APEX2: variants seen among roughly 807,000 people sequenced by gnomAD.
APEX2 encodes the protein DNA-(apurinic or apyrimidinic site) endonuclease 2.
Under a neutral mutation model 16.7 loss-of-function variants are expected in APEX2, and 4 were observed. The ratio of observed to expected loss-of-function variants is 0.24; its 90% CI spans 0.12 to 0.55. APEX2 has a LOEUF of 0.55. Among genes scored for constraint, APEX2 ranks in the 20% least tolerant of loss-of-function variants. The pLI, the probability that APEX2 is intolerant of heterozygous loss-of-function variation, is 0.94. For synonymous variants in APEX2, 181 were observed against 166.9 expected (o/e 1.08, Z -0.65); for missense variants, 357 against 433.6 (o/e 0.82, Z 1.57).
In APEX2 at chrX:55,008,571, CA is replaced by C. The variant is rs770902009; in HGVS notation, c.*1149del. ...GGCAACAAGAGTGAAATTCAGTCTC[CA>C]AAAAAAAAAAAAGAAAAGAAAAAGA... On this transcript the variant is annotated 3_prime_UTR_variant, in exon 6 of 6. Coordinates refer to ENST00000374987, the MANE Select transcript of APEX2 (RefSeq NM_014481.4). 4.5e-3 allele frequency: 384 copies of C among 85,671 alleles called. 3 individuals are homozygous for C. Among genetic ancestry groups the C allele is most frequent in the African/African-American group, 0.011 (267 of 23,859 alleles). 7.1% of individuals were successfully genotyped at this position (85,671 alleles called of 1,213,427 possible).
chrX:55,007,639 T>A lies in APEX2; in HGVS notation c.*204T>A, dbSNP rs1935525595. 1 of 376,861 alleles carries A rather than the reference T, an allele frequency of 2.7e-6. No homozygotes were observed. Among genetic ancestry groups the A allele is most frequent in the Admixed American group, 5.2e-5 (1 of 19,386 alleles). The allele number at this position is 376,861 out of a possible 1,213,427, so 31.1% of individuals were successfully genotyped here. A position where few individuals can be genotyped will look rare whatever the true frequency, so the allele number is the denominator to read the frequency against. ...TGCCTTAATCCTGTGACCCAGCCCC[T>A]TACACCACTTTCCACCTTCCTGTCC... On this transcript the variant is annotated 3_prime_UTR_variant, in exon 6 of 6. Coordinates refer to ENST00000374987, the MANE Select transcript of APEX2 (RefSeq NM_014481.4).
rs763849554 is a variant in APEX2, at chrX:55,000,612, C to T, written c.157+33C>T. 14 of 1,166,144 alleles carry T rather than the reference C, an allele frequency of 1.2e-5. No homozygotes were observed. The East Asian group carries it at 3.7e-4, about 31-fold the overall frequency. ...CTCTGGATTCCAGGATCCCTACATA[C>T]TTTTTCTTTCCCGCTAACTTTTGTC... is the stretch of plus-strand genomic sequence containing the variant. On this transcript the variant is annotated intron_variant, in intron 1 of 5. Coordinates refer to ENST00000374987, the MANE Select transcript of APEX2 (RefSeq NM_014481.4).
intron 5 of APEX2, 119 bp from the exon 6 acceptor site, chrX:55,006,399 C>A: frequency 3.9e-6 from 2 of 509,634 alleles, no homozygotes; most frequent in South Asian, 1.7e-4. Context: ...GAGCAGTAGT[C>A]CTCTTGGGAC....
intron 2 of APEX2, 21 bp from the exon 3 acceptor site, chrX:55,002,228 CAG>C: frequency 8.6e-7 from 1 of 1,169,047 alleles, no homozygotes; most frequent in Non-Finnish European, 1.1e-6. Context: ...CAGGTCTGCT[CAG>C]AGTGCCCTGT....
chrX:55,008,854 A>C lies in APEX2; in HGVS notation c.*1419A>C, dbSNP rs1488687083. The C allele has an allele frequency of 1.3e-5, 3 of 227,983 alleles. No homozygotes were observed. The highest frequency in any genetic ancestry group is 2.4e-5 in the Non-Finnish European group (3 of 127,314). 18.8% of individuals were successfully genotyped at this position (227,983 alleles called of 1,213,427 possible). On this transcript the variant is annotated 3_prime_UTR_variant, in exon 6 of 6. Coordinates refer to ENST00000374987, the MANE Select transcript of APEX2 (RefSeq NM_014481.4). ...AAACCATTGGAGAAGAGCCATCTCA[A>C]ATAAATCTGCCAAGTATCCTAGCTC...
rs778845228 is a variant in APEX2, at chrX:55,007,281, T to G, written c.1403T>G (p.Leu468Arg). ...SVLAGPLRTP[L>R]CGGHREPCVM... ...CTGGCGGGGCCCTTGCGCACACCCCTCTGTGGGGGCCACAGGGAGCCATGT... is the reference window on the plus strand; with the variant it reads ...CTGGCGGGGCCCTTGCGCACACCCCGCTGTGGGGGCCACAGGGAGCCATGT... Residue 468 changes from leucine (L) to arginine (R), a missense_variant, in exon 6 of 6, where the codon CTC becomes CGC. Transcript: ENST00000374987. 8.3e-7 allele frequency: 1 copy of G among 1,211,902 alleles called. No homozygotes were observed. Among genetic ancestry groups the G allele is most frequent in the East Asian group, 3.0e-5 (1 of 33,848 alleles).
Position 55,007,862 on chromosome X carries a change from A to G in APEX2, c.*427A>G, listed in dbSNP as rs978914874. ...TGGTTTGCCGGCTGGCTGTAGCCCAATGATGTAATTCCCAGAGAAAGGGGA... is the reference window on the plus strand; with the variant it reads ...TGGTTTGCCGGCTGGCTGTAGCCCAGTGATGTAATTCCCAGAGAAAGGGGA... On this transcript the variant is annotated 3_prime_UTR_variant, in exon 6 of 6. Coordinates refer to ENST00000374987, the MANE Select transcript of APEX2 (RefSeq NM_014481.4). 3 of 121,560 alleles carry G rather than the reference A, an allele frequency of 2.5e-5. No individual in the cohort carries two copies. The highest frequency in any genetic ancestry group is 3.8e-3 in the Middle Eastern group (1 of 263). 10.0% of individuals were successfully genotyped at this position (121,560 alleles called of 1,213,427 possible). A position where few individuals can be genotyped will look rare whatever the true frequency, so the allele number is the denominator to read the frequency against.
At chrX:55,001,435 A>G in intron 1 of APEX2, 111 bp from the exon 2 acceptor site, 1 of 496,560 alleles carries the variant, frequency 2.0e-6, no homozygotes. Flanking sequence ...GTCACCCCCA[A>G]CTCTGGCTCT....
chrX:55,001,460 A>G, intron 1 of APEX2, 86 bp from the exon 2 acceptor site: 1 of 745,244 alleles, frequency 1.3e-6, no homozygotes, highest in African/African-American at 2.1e-5. Context: ...TGTGCAAGGA[A>G]TTAGCCTACA....
Position 55,003,927 on chromosome X carries a change from C to T in APEX2, c.639+59C>T, listed in dbSNP as rs1019914671. 4 of 1,118,032 alleles carry T rather than the reference C, an allele frequency of 3.6e-6. No homozygotes were observed. The African/African-American group carries it at 5.4e-5, about 15-fold the overall frequency. The allele number at this position is 1,118,032 out of a possible 1,213,427, so 92.1% of individuals were successfully genotyped here. On this transcript the variant is annotated intron_variant, in intron 5 of 5. Transcript: ENST00000374987. ...TGACTGATTCTGTTTGTCCAGCCAA[C>T]CAACCCTGAGTTTTTGGCCCAGGGA... is the stretch of plus-strand genomic sequence containing the variant.
At chrX:55,005,995 GGAT>G (rs1161342156) in intron 5 of APEX2, among the ~76,000 whole-genome samples, 2 of 108,649 alleles carry the variant, frequency 1.8e-5, no homozygotes, top group African/African-American at 6.7e-5. Context: ...ATGGACTGAT[GGAT>G]GATGGATTGG....
intron 5 of APEX2, among the ~76,000 whole-genome samples, chrX:55,005,166 G>A (rs930957069): frequency 1.8e-5 from 2 of 112,037 alleles, no homozygotes; most frequent in Admixed American, 9.4e-5. Context: ...GAGAATGGTG[G>A]TGGTGGTGTG....
Position 55,000,405 on chromosome X carries a change from G to A in APEX2, c.-18G>A, listed in dbSNP as rs918143644. ...CGCCTAGGTTGGCGCGGGCTGGGAGGTGTTCCAGCCCTTTAAGATGTTGCG... is the reference window on the plus strand; with the variant it reads ...CGCCTAGGTTGGCGCGGGCTGGGAGATGTTCCAGCCCTTTAAGATGTTGCG... On this transcript the variant is annotated 5_prime_UTR_variant, in exon 1 of 6. The change creates a new upstream start codon in the 5' untranslated region. Transcript: ENST00000374987. 11 of 1,150,035 alleles carry A rather than the reference G, an allele frequency of 9.6e-6. No homozygotes were observed. Among genetic ancestry groups the A allele is most frequent in the Non-Finnish European group, 1.2e-5 (10 of 863,962 alleles). The allele number at this position is 1,150,035 out of a possible 1,213,427, so 94.8% of individuals were successfully genotyped here.
intron 3 of APEX2, among the ~76,000 whole-genome samples, chrX:55,002,695 T>C (rs1002177796): frequency 9.0e-6 from 1 of 111,185 alleles, no homozygotes; most frequent in African/African-American, 3.3e-5. Flanking sequence ...AGCAACTTAG[T>C]GCTGAACTCA....
At chrX:55,002,838 G>A in intron 3 of APEX2, 124 bp from the exon 4 acceptor site, 2 of 762,481 alleles carry the variant, frequency 2.6e-6, no homozygotes, top group Non-Finnish European at 3.7e-6. Context: ...CAGATCATTT[G>A]TGTCTCTTTA....
intron 1 of APEX2, among the ~76,000 whole-genome samples, chrX:55,000,922 C>T (rs1411587119): frequency 1.8e-5 from 2 of 109,358 alleles, no homozygotes; most frequent in Admixed American, 1.9e-4. Flanking sequence ...ATCCCTGCCC[C>T]AAGCTCAGAT....
At chrX:55,002,148 G>T in intron 2 of APEX2, 103 bp from the exon 3 acceptor site, 1 of 845,420 alleles carries the variant, frequency 1.2e-6, no homozygotes. Flanking sequence ...CACACTTTAT[G>T]AAGATGACTT....
At chrX:55,000,606 T>G in intron 1 of APEX2, 27 bp downstream of exon 1, 3 of 1,174,420 alleles carry the variant, frequency 2.6e-6, no homozygotes, top group Non-Finnish European at 3.4e-6. Context: ...CCAGGATCCC[T>G]ACATACTTTT....
At chrX:55,002,191 C>T (rs1345684024) in intron 2 of APEX2, 60 bp from the exon 3 acceptor site, 1 of 1,050,394 alleles carries the variant, frequency 9.5e-7, no homozygotes, top group Non-Finnish European at 1.3e-6. Context: ...TGGAGTGGGA[C>T]AGGCTGTGCA....
Sources: allele counts gnomAD v4.1 joint callset (sites outside exome capture counted in the v4.1 genomes callset), GRCh38; gene constraint gnomAD v4.1.1; transcripts MANE v1.5; gene names NCBI Gene and HGNC (gene_info 2026-07-23, HGNC 2026-07-21).